The following PXDN variants were observed in gnomAD, a reference collection of about 807,000 sequenced individuals.
PXDN encodes peroxidasin homolog.
PXDN carries 77 observed loss-of-function variants against 140.3 expected under a neutral mutation model. That is an observed-to-expected ratio of 0.55 (90% CI 0.46 to 0.66). The LOEUF (loss-of-function observed/expected upper bound fraction) is 0.66, where lower values mean the gene tolerates loss of function less well. PXDN is among the 30% of genes least tolerant of loss of function. PXDN has a pLI of 0.00. For missense variants in PXDN, 1,838 were observed against 2,039.5 expected (o/e 0.90, Z 1.90); for synonymous variants, 911 against 857.4 (o/e 1.06, Z -1.09).
In PXDN at chr2:1,726,311, A is replaced by G. The variant is rs958825181; in HGVS notation, c.200+17945T>C. ...GATGAAATTGGAAATCATCATTCTC[A>G]GTAAACTATCGCAAGAACAAAAAAC... On this transcript the variant is annotated intron_variant, in intron 1 of 22. Coordinates refer to ENST00000252804, the MANE Select transcript of PXDN (RefSeq NM_012293.3). Among the ~76,000 whole-genome samples, 16 of 151,748 alleles carry G rather than the reference A, an allele frequency of 1.1e-4. No homozygotes were observed. The South Asian group carries it at 3.3e-3, about 32-fold the overall frequency.
At chr2:1,646,631 T>C (rs1300236466) in intron 17 of PXDN, among the ~76,000 whole-genome samples, 1 of 152,164 alleles carries the variant, frequency 6.6e-6, no homozygotes, top group African/African-American at 2.4e-5. Flanking sequence ...AAATTACAAG[T>C]AAAAAATCAC....
At chr2:1,739,687 T>C (rs1685496801) in intron 1 of PXDN, among the ~76,000 whole-genome samples, 1 of 152,154 alleles carries the variant, frequency 6.6e-6, no homozygotes, top group South Asian at 2.1e-4. Context: ...GTCTTGGGGA[T>C]GGGCCCTCTC....
At chr2:1,682,344 T>C (rs901526231) in intron 6 of PXDN, among the ~76,000 whole-genome samples, 7 of 151,754 alleles carry the variant, frequency 4.6e-5, no homozygotes, top group Non-Finnish European at 1.5e-5. Flanking sequence ...ATTTTTATCC[T>C]AAAGGAAAAA....
Position 1,687,818 on chromosome 2 carries a change from G to T in PXDN, c.345-115C>A, listed in dbSNP as rs1684096046. 1 of 754,690 alleles carries T rather than the reference G, an allele frequency of 1.3e-6. No individual in the cohort carries two copies. Among genetic ancestry groups the T allele is most frequent in the Non-Finnish European group, 2.1e-6 (1 of 472,468 alleles). 46.7% of individuals were successfully genotyped at this position (754,690 alleles called of 1,614,324 possible). ...AGTTTTACAATTAATGACTGTATTA[G>T]AATGCAAACAAACCATCTGCACGGT... On this transcript the variant is annotated intron_variant, in intron 3 of 22. Transcript: ENST00000252804. The surrounding 1 kb of genome is among the most constrained non-coding windows in gnomAD (Gnocchi z 4.0).
At chr2:1,655,247 AAC>A (rs1683102519) in intron 14 of PXDN, among the ~76,000 whole-genome samples, 1 of 151,328 alleles carries the variant, frequency 6.6e-6, no homozygotes, top group African/African-American at 2.4e-5. Context: ...TATACACAGA[AAC>A]ACATACGCCA....
chr2:1,744,290 C>A lies in PXDN; in HGVS notation c.166G>T (p.Ala56Ser). The change falls in exon 1 of 23, where the codon GCC (alanine) becomes TCC (serine). Residue 56 changes from alanine (A) to serine (S), a missense_variant. By Grantham distance (99) the Ala-to-Ser change is moderately conservative. Coordinates refer to ENST00000252804, the MANE Select transcript of PXDN (RefSeq NM_012293.3). ...TVRCMHLLLE[A>S]VPAVAPQTSI... ...GTCTGCGGCGCCACGGCGGGCACGG[C>A]CTCCAGCAGCAGATGCATGCAGCGC... The A allele has an allele frequency of 6.6e-7, 1 of 1,521,998 alleles. No homozygotes were observed. The highest frequency in any genetic ancestry group is 8.8e-7 in the Non-Finnish European group (1 of 1,140,982). The allele number at this position is 1,521,998 out of a possible 1,614,324, so 94.3% of individuals were successfully genotyped here. A position where few individuals can be genotyped will look rare whatever the true frequency, so the allele number is the denominator to read the frequency against.
rs540921012 is a variant in PXDN at position 1,715,661 on chromosome 2, G to A, written c.201-22527C>T. Among the ~76,000 whole-genome samples the A allele has an allele frequency of 2.6e-5, 4 of 152,186 alleles. No individual in the cohort carries two copies. The South Asian group carries it at 6.2e-4, about 24-fold the overall frequency. ...GCCTGGTCTCCAGCCCTGGCTTGCA[G>A]CAGCCGAACAAGCTGCAGATGGAAA... On this transcript the variant is annotated intron_variant, in intron 1 of 22. Transcript: ENST00000252804.
In PXDN at chr2:1,639,043, C is replaced by G; in HGVS notation, c.4074-65G>C. On this transcript the variant is annotated intron_variant, in intron 20 of 22. Coordinates refer to ENST00000252804, the MANE Select transcript of PXDN (RefSeq NM_012293.3). This position sits in a 1 kb window ranked among gnomAD's most constrained non-coding sequence, Gnocchi z 5.0. ...TGGCAGGTCACGCCGGGTCTCATTTCAAGGTTTCCTGGGTGTGCACCGCCC... is the reference window on the plus strand; with the variant it reads ...TGGCAGGTCACGCCGGGTCTCATTTGAAGGTTTCCTGGGTGTGCACCGCCC... 2.1e-6 allele frequency: 1 copy of G among 474,120 alleles called. No homozygotes were observed. Among genetic ancestry groups the G allele is most frequent in the Admixed American group, 1.0e-4 (1 of 9,828 alleles). The allele number at this position is 474,120 out of a possible 1,614,324, so 29.4% of individuals were successfully genotyped here.
chr2:1,732,644 T>C (rs1685337393), intron 1 of PXDN, among the ~76,000 whole-genome samples: 2 of 152,178 alleles, frequency 1.3e-5, no homozygotes, highest in Admixed American at 6.5e-5. Flanking sequence ...ACTGTTTCCA[T>C]ATAACTGTAC....
In PXDN at chr2:1,661,144, A is replaced by C. The variant is rs953461576; in HGVS notation, c.1681-107T>G. The C allele has an allele frequency of 3.8e-6, 5 of 1,320,824 alleles. No homozygotes were observed. The African/African-American group carries it at 5.8e-5, about 15-fold the overall frequency. 81.8% of individuals were successfully genotyped at this position (1,320,824 alleles called of 1,614,324 possible). A position where few individuals can be genotyped will look rare whatever the true frequency, so the allele number is the denominator to read the frequency against. ...GCCATTTGTTAGGATTTGCAAATGG[A>C]GAAGCTCCCAGGCTGCGCTCAGATC... is the stretch of plus-strand genomic sequence containing the variant. On this transcript the variant is annotated intron_variant, in intron 13 of 22. Coordinates refer to ENST00000252804, the MANE Select transcript of PXDN (RefSeq NM_012293.3).
rs1359946064 is a variant in PXDN at position 1,682,664 on chromosome 2, G to A, written c.560+992C>T. Among the ~76,000 whole-genome samples, 3 of 152,256 alleles carry A rather than the reference G, an allele frequency of 2.0e-5. No individual in the cohort carries two copies. In the East Asian group the frequency reaches 5.8e-4, roughly 29 times the overall value. ...GCCTTAAAAAATGGGTGGAGGCCGG[G>A]TGCGGTGGCTCACGCCTGTAATCCC... On this transcript the variant is annotated intron_variant, in intron 6 of 22. Transcript: ENST00000252804.
At chr2:1,677,127 G>A in intron 7 of PXDN, 83 bp from the exon 8 acceptor site, 1 of 1,270,188 alleles carries the variant, frequency 7.9e-7, no homozygotes, top group East Asian at 2.6e-5. Context: ...AGTTCTCTGT[G>A]TCCAAAAGGA....
chr2:1,680,101 T>C, intron 7 of PXDN, 92 bp downstream of exon 7: 2 of 1,398,960 alleles, frequency 1.4e-6, no homozygotes, highest in African/African-American at 1.4e-5. Context: ...GTGTGGTGTG[T>C]GGATGTTGTG....
intron 1 of PXDN, among the ~76,000 whole-genome samples, chr2:1,724,094 C>A (rs1267739570): frequency 1.3e-5 from 2 of 152,328 alleles, no homozygotes; most frequent in African/African-American, 4.8e-5. Flanking sequence ...TTTTCCACTG[C>A]TGAAACACAG....
chr2:1,735,072 C>G (rs934403938), intron 1 of PXDN, among the ~76,000 whole-genome samples: 1 of 152,174 alleles, frequency 6.6e-6, no homozygotes, highest in African/African-American at 2.4e-5. Context: ...CACAACTCCC[C>G]CTCTGTTCTA....
intron 19 of PXDN, 83 bp downstream of exon 19, chr2:1,643,285 A>G: frequency 7.6e-7 from 1 of 1,310,424 alleles, no homozygotes; most frequent in Non-Finnish European, 1.1e-6. Context: ...TTAGGATGAC[A>G]TCTGCAGGTC....
At chr2:1,697,623 A>T (rs1268156478) in intron 1 of PXDN, among the ~76,000 whole-genome samples, 3 of 152,172 alleles carry the variant, frequency 2.0e-5, no homozygotes, top group African/African-American at 7.2e-5. Flanking sequence ...GGGGGGGGAA[A>T]AACTTCCCCC....
At chr2:1,655,791 A>C (rs1364394636) in intron 14 of PXDN, among the ~76,000 whole-genome samples, 1 of 146,480 alleles carries the variant, frequency 6.8e-6, no homozygotes, top group Admixed American at 6.9e-5. Flanking sequence ...CACATTAAAC[A>C]CAGACACACG....
intron 1 of PXDN, among the ~76,000 whole-genome samples, chr2:1,726,010 G>T (rs1216344239): frequency 2.0e-5 from 3 of 151,296 alleles, no homozygotes; most frequent in Non-Finnish European, 4.4e-5. Context: ...CCTTGTGGAA[G>T]TCAGTGTGGC....
Sources: allele counts gnomAD v4.1 joint callset (sites outside exome capture counted in the v4.1 genomes callset), GRCh38; gene constraint gnomAD v4.1.1; non-coding constraint Gnocchi (gnomAD v3.1); transcripts MANE v1.5; gene names NCBI Gene and HGNC (gene_info 2026-07-23, HGNC 2026-07-21).